Variants in MAP1B observed in about 807,000 individuals in gnomAD.
The protein encoded by MAP1B is microtubule associated protein 1B.
A neutral mutation model predicts 176.1 loss-of-function variants in MAP1B; 12 were observed. That is an observed-to-expected ratio of 0.07 (90% CI 0.04 to 0.11). MAP1B has a LOEUF of 0.11. Among genes scored for constraint, MAP1B ranks in the 10% least tolerant of loss-of-function variants. MAP1B has a pLI of 1.00. For missense variants in MAP1B, 2,523 were observed against 2,990.5 expected (o/e 0.84, Z 3.65); for synonymous variants, 1,044 against 1,135.0 (o/e 0.92, Z 1.61).
chr5:72,122,954 T>A (rs918498691), intron 2 of MAP1B, among the ~76,000 whole-genome samples: 1 of 152,266 alleles, frequency 6.6e-6, no homozygotes, highest in South Asian at 2.1e-4. Context: ...AGTTTTTTTT[T>A]AAAGGTTTTT....
chr5:72,186,616 G>A lies in MAP1B; in HGVS notation c.372G>A (p.Val124=). 6.2e-7 allele frequency: 1 copy of A among 1,613,952 alleles called. No homozygotes were observed. Among genetic ancestry groups the A allele is most frequent in the Non-Finnish European group, 8.5e-7 (1 of 1,180,026 alleles). The change falls in exon 4 of 7, where the codon GTG becomes GTA. Residue 124 remains valine (V), a splice_region_variant and synonymous_variant. Coordinates refer to ENST00000296755, the MANE Select transcript of MAP1B (RefSeq NM_005909.5). This position sits in a 1 kb window ranked among gnomAD's most constrained non-coding sequence, Gnocchi z 4.3. ...NPSDEAVSTE[V]RLMITDAARH... is the part of the protein sequence containing the mutation. ...CTACGTTCTGTGCTTTATTTCAGGTGCGCTTAATGATCACTGATGCTGCCC... is the reference window on the plus strand; with the variant it reads ...CTACGTTCTGTGCTTTATTTCAGGTACGCTTAATGATCACTGATGCTGCCC...
chr5:72,144,568 A>AT (rs1238840130), intron 2 of MAP1B, among the ~76,000 whole-genome samples: 5 of 151,748 alleles, frequency 3.3e-5, no homozygotes, highest in African/African-American at 9.7e-5. Context: ...TAATTTTTTA[A>AT]TTTTTTTGTA....
Position 72,198,587 on chromosome 5 carries a change from TCTC to T in MAP1B, c.5234_5236del (p.Leu1745del). 1 of 1,614,050 alleles carries T rather than the reference TCTC, an allele frequency of 6.2e-7. No homozygotes were observed. The highest frequency in any genetic ancestry group is 8.5e-7 in the Non-Finnish European group (1 of 1,180,016). ...ATACCCCTTCTCAGATCGCTTCTCC[TCTC>T]CAAGAAGATACTCTATCCGATGTTG... is the stretch of plus-strand genomic sequence containing the variant. On this transcript the variant is annotated inframe_deletion, in exon 5 of 7. Transcript: ENST00000296755.
At chr5:72,143,257 G>T (rs1348367761) in intron 2 of MAP1B, among the ~76,000 whole-genome samples, 1 of 152,172 alleles carries the variant, frequency 6.6e-6, no homozygotes, top group Non-Finnish European at 1.5e-5. Context: ...GTGTTGAGAT[G>T]CCAAATAGAA....
At chr5:72,165,816 G>A (rs1440808754) in intron 2 of MAP1B, among the ~76,000 whole-genome samples, 1 of 152,142 alleles carries the variant, frequency 6.6e-6, no homozygotes. Context: ...ACTGCCAGTA[G>A]AACATGTACT....
intron 4 of MAP1B, among the ~76,000 whole-genome samples, chr5:72,192,006 T>G (rs952250216): frequency 6.6e-6 from 1 of 152,216 alleles, no homozygotes; most frequent in African/African-American, 2.4e-5. Flanking sequence ...CACAGCTGGA[T>G]TATACCCTTG....
chr5:72,121,066 C>T (rs1296403160), intron 2 of MAP1B, among the ~76,000 whole-genome samples: 1 of 152,194 alleles, frequency 6.6e-6, no homozygotes, highest in Non-Finnish European at 1.5e-5. Context: ...GAGCAAAAAG[C>T]CGGCAATGCT....
Position 72,194,440 on chromosome 5 carries a change from C to T in MAP1B, c.1085C>T (p.Pro362Leu). The change falls in exon 5 of 7, where the codon CCT becomes CTT. Residue 362 changes from proline (P) to leucine (L), a missense_variant. Around this residue, in one of 4 missense-constraint regions of MAP1B, gnomAD observed 1,925 missense variants for 2,126.0 expected, o/e 0.91. Coordinates refer to ENST00000296755, the MANE Select transcript of MAP1B (RefSeq NM_005909.5). This position sits in a 1 kb window ranked among gnomAD's most constrained non-coding sequence, Gnocchi z 7.2. ...PDLGVVFLNV[P>L]ENLKNPEPNI... ...TTAGGAGTTGTATTTCTCAATGTACCTGAAAATCTCAAAAATCCAGAGCCA... is the reference window on the plus strand; with the variant it reads ...TTAGGAGTTGTATTTCTCAATGTACTTGAAAATCTCAAAAATCCAGAGCCA... The T allele has an allele frequency of 1.2e-6, 2 of 1,613,960 alleles. No homozygotes were observed.
In MAP1B at chr5:72,199,758, G is replaced by A. The variant is rs1180507942; in HGVS notation, c.6403G>A (p.Gly2135Arg). ...AGGGGGAGCCCCACCGCCTCCAGGA[G>A]GAAAGCAACAGGGCCGACAGTGTGA... is the stretch of plus-strand genomic sequence containing the variant. The part of the protein sequence containing the change: ...QSGGAPPPPG[G>R]KQQGRQCDET... Residue 2135 changes from glycine (G) to arginine (R), a missense_variant, in exon 5 of 7, where the codon GGA (glycine) becomes AGA (arginine). Around this residue, in one of 4 missense-constraint regions of MAP1B, gnomAD observed 287 missense variants for 401.5 expected, o/e 0.71. Coordinates refer to ENST00000296755, the MANE Select transcript of MAP1B (RefSeq NM_005909.5). The surrounding 1 kb of genome is among the most constrained non-coding windows in gnomAD (Gnocchi z 4.2). 16 of 1,614,182 alleles carry A rather than the reference G, an allele frequency of 9.9e-6. 1 individual carries two copies. In the South Asian group the frequency reaches 1.6e-4, roughly 17 times the overall value.
intron 2 of MAP1B, among the ~76,000 whole-genome samples, chr5:72,152,406 T>C (rs1460397877): frequency 6.6e-6 from 1 of 152,158 alleles, no homozygotes; most frequent in Non-Finnish European, 1.5e-5. Context: ...AAGGAAAAAC[T>C]GAAGAATAAA....
intron 2 of MAP1B, among the ~76,000 whole-genome samples, chr5:72,144,381 C>A (rs1419734609): frequency 6.6e-6 from 1 of 152,106 alleles, no homozygotes; most frequent in Non-Finnish European, 1.5e-5. Context: ...CCTCGCTCTA[C>A]CTTTTAATGT....
At chr5:72,151,004 C>T (rs1746129760) in intron 2 of MAP1B, among the ~76,000 whole-genome samples, 1 of 151,532 alleles carries the variant, frequency 6.6e-6, no homozygotes, top group Non-Finnish European at 1.5e-5. Context: ...TTTTGTGTTG[C>T]TATAAAGGAA....
At chr5:72,133,009 C>T (rs755031438) in intron 2 of MAP1B, among the ~76,000 whole-genome samples, 62 of 152,106 alleles carry the variant, frequency 4.1e-4, no homozygotes, top group Non-Finnish European at 7.5e-4. Context: ...CAATTTTACC[C>T]GCTCATCTAG....
At chr5:72,189,222 T>C (rs1019849341) in intron 4 of MAP1B, among the ~76,000 whole-genome samples, 13 of 152,334 alleles carry the variant, frequency 8.5e-5, no homozygotes, top group Middle Eastern at 3.4e-3. Flanking sequence ...TCTTAATCAC[T>C]GGAGATCAAT....
intron 2 of MAP1B, among the ~76,000 whole-genome samples, chr5:72,124,702 C>T (rs1033369103): frequency 6.6e-6 from 1 of 152,212 alleles, no homozygotes; most frequent in Non-Finnish European, 1.5e-5. Context: ...CTGGCCATTT[C>T]TTTCTCAATA....
At chr5:72,150,756 G>C (rs990094152) in intron 2 of MAP1B, among the ~76,000 whole-genome samples, 1 of 152,132 alleles carries the variant, frequency 6.6e-6, no homozygotes, top group Admixed American at 6.6e-5. Context: ...TACAGTATTT[G>C]GTGTTCTGTT....
Position 72,194,261 on chromosome 5 carries a change from C to T in MAP1B, c.906C>T (p.Asp302=), listed in dbSNP as rs2112231642. ...TCTGGAAGCTCATCCGACACTTAGA[C>T]CGAGTGGACTCCATCCTGCTCACCC... ...SCFWKLIRHL[D]RVDSILLTHI... Residue 302 remains aspartate, a synonymous_variant, in exon 5 of 7, where the codon GAC becomes GAT. Transcript: ENST00000296755. The surrounding 1 kb of genome is among the most constrained non-coding windows in gnomAD (Gnocchi z 7.2). 1 of 1,614,170 alleles carries T rather than the reference C, an allele frequency of 6.2e-7. No homozygotes were observed. The highest frequency in any genetic ancestry group is 8.5e-7 in the Non-Finnish European group (1 of 1,180,030).
chr5:72,108,487 G>A (rs541540380), intron 1 of MAP1B, among the ~76,000 whole-genome samples: 1 of 152,246 alleles, frequency 6.6e-6, no homozygotes, highest in African/African-American at 2.4e-5. Flanking sequence ...GTCGGTGAGG[G>A]AGACGTCAGC....
At chr5:72,190,515 T>C (rs952555167) in intron 4 of MAP1B, among the ~76,000 whole-genome samples, 1 of 152,242 alleles carries the variant, frequency 6.6e-6, no homozygotes, top group Non-Finnish European at 1.5e-5. Flanking sequence ...CCTGTTAGAA[T>C]TGACTTAGCC....
Sources: gnomAD v4.1 joint callset for allele counts (sites outside exome capture counted in the v4.1 genomes callset) on GRCh38, gnomAD v4.1.1 for gene constraint, gnomAD v4.1.1 regional missense constraint, Gnocchi (gnomAD v3.1) non-coding constraint, MANE v1.5 for transcripts, NCBI Gene and HGNC (gene_info 2026-07-23, HGNC 2026-07-21) for gene names.